SNRNP25: variants seen among roughly 807,000 people sequenced by gnomAD.
SNRNP25 encodes U11/U12 small nuclear ribonucleoprotein 25 kDa protein.
SNRNP25 carries 21 observed loss-of-function variants against 23.9 expected under a neutral mutation model. The ratio of observed to expected loss-of-function variants is 0.88; its 90% CI spans 0.62 to 1.27. The LOEUF (loss-of-function observed/expected upper bound fraction) is 1.27. SNRNP25 is among the 50% of genes most tolerant of loss of function. SNRNP25 has a pLI of 0.00. For synonymous variants in SNRNP25, 63 were observed against 60.4 expected, an observed-to-expected ratio of 1.04 and a Z score of -0.20; for missense variants, 160 against 156.9, an observed-to-expected ratio of 1.02 and a Z score of -0.11.
intron 3 of SNRNP25, 147 bp downstream of exon 3, chr16:56,029 A>G: frequency 1.3e-6 from 1 of 743,200 alleles, no homozygotes; most frequent in African/African-American, 1.7e-5. Flanking sequence ...CACAAGAGTG[A>G]TGAGCTCCCT....
chr16:57,249 G>T lies in SNRNP25; in HGVS notation c.*106G>T, dbSNP rs939308734. Reference sequence around the variant, plus strand: ...TCTTTCACAGAAAGGACGTTGTGGTGGCCTCACCCCAGGCATGCCCAACAG... The same window carrying T: ...TCTTTCACAGAAAGGACGTTGTGGTTGCCTCACCCCAGGCATGCCCAACAG... On this transcript the variant is annotated 3_prime_UTR_variant, in exon 5 of 5. Coordinates refer to ENST00000293861, the MANE Select transcript of SNRNP25 (RefSeq NM_024571.4). The T allele has an allele frequency of 6.4e-6, 8 of 1,254,810 alleles. No individual in the cohort carries two copies. The highest frequency in any genetic ancestry group is 9.3e-6 in the Non-Finnish European group (8 of 858,274). 77.7% of individuals were successfully genotyped at this position (1,254,810 alleles called of 1,614,324 possible). A position where few individuals can be genotyped will look rare whatever the true frequency, so the allele number is the denominator to read the frequency against.
chr16:56,664 C>A, intron 4 of SNRNP25, 51 bp downstream of exon 4: 3 of 1,580,390 alleles, frequency 1.9e-6, no homozygotes, highest in Non-Finnish European at 2.6e-6. Flanking sequence ...TCTGTTGCCC[C>A]TTAGTCCCCC....
chr16:56,452 G>A (rs1596460648), intron 3 of SNRNP25, 87 bp from the exon 4 acceptor site: 3 of 1,248,720 alleles, frequency 2.4e-6, no homozygotes, highest in East Asian at 4.6e-5. Flanking sequence ...GGTCCCATAG[G>A]ACTGCATGCC....
rs781100807 is a variant in SNRNP25 at position 54,100 on chromosome 16, G to A, written c.42+42G>A. On this transcript the variant is annotated intron_variant, in intron 1 of 4. Transcript: ENST00000293861. ...GCTGGGGGCGCGGGAGTCGTTCCCC[G>A]GGGTCCGGGCATCCGGGCGCCGGCA... 7.1e-6 allele frequency: 11 copies of A among 1,554,344 alleles called. No individual in the cohort carries two copies. In the South Asian group the frequency reaches 1.3e-4, roughly 18 times the overall value.
Position 54,062 on chromosome 16 carries a change from T to A in SNRNP25, c.42+4T>A, listed in dbSNP as rs766727800. 48 of 1,602,666 alleles carry A rather than the reference T, an allele frequency of 3.0e-5. No individual in the cohort carries two copies. The highest frequency in any genetic ancestry group is 3.9e-5 in the Non-Finnish European group (46 of 1,177,786). On this transcript the variant is annotated splice_donor_region_variant and intron_variant, in intron 1 of 4. Transcript: ENST00000293861. ...GCTCTGCGATCTGCCGATCCAGGTGTGTGCGGGCGGGGGCTGGGGGCGCGG... is the reference window on the plus strand; with the variant it reads ...GCTCTGCGATCTGCCGATCCAGGTGAGTGCGGGCGGGGGCTGGGGGCGCGG...
chr16:56,603 A>C lies in SNRNP25; in HGVS notation c.304A>C (p.Lys102Gln). 1.2e-6 allele frequency: 2 copies of C among 1,613,946 alleles called. No homozygotes were observed. Among genetic ancestry groups the C allele is most frequent in the Non-Finnish European group, 1.7e-6 (2 of 1,180,006 alleles). Residue 102 changes from lysine to glutamine, a missense_variant, in exon 4 of 5, where the codon AAG (lysine) becomes CAG (glutamine). Physicochemically the swap from Lys to Gln is moderately conservative, Grantham distance 53. Transcript: ENST00000293861. ...AGAGAAACTCACGGAAGACAGAAAGAAGCTCCGAGAGTAAGTGCCGGCCAC... is the reference window on the plus strand; with the variant it reads ...AGAGAAACTCACGGAAGACAGAAAGCAGCTCCGAGAGTAAGTGCCGGCCAC... ...AGEKLTEDRK[K>Q]LRDYGIRNRD...
rs1897372448 is a variant in SNRNP25, at chr16:53,876, G to A, written c.-141G>A. On this transcript the variant is annotated 5_prime_UTR_variant, in exon 1 of 5. Coordinates refer to ENST00000293861, the MANE Select transcript of SNRNP25 (RefSeq NM_024571.4). ...GGCCTCCCTAGTGCGGGCTGGCAGT[G>A]CGGGCAGAGCCCGGCTGAGAGGGGC... 15 of 1,487,122 alleles carry A rather than the reference G, an allele frequency of 1.0e-5. No homozygotes were observed. In the East Asian group the frequency reaches 3.5e-4, roughly 34 times the overall value. The allele number at this position is 1,487,122 out of a possible 1,614,324, so 92.1% of individuals were successfully genotyped here.
chr16:55,292 G>C, intron 1 of SNRNP25, 167 bp from the exon 2 acceptor site: 1 of 619,864 alleles, frequency 1.6e-6, no homozygotes, highest in South Asian at 1.8e-5. Flanking sequence ...TGGAACATGA[G>C]ATTGGGGCTC....
At chr16:56,070 G>A (rs965314782) in intron 3 of SNRNP25, 188 bp downstream of exon 3, 1 of 641,502 alleles carries the variant, frequency 1.6e-6, no homozygotes, top group East Asian at 2.7e-5. Context: ...TTCTGTGCCT[G>A]GGACTCCTGC....
Position 57,243 on chromosome 16 carries a change from T to C in SNRNP25, c.*100T>C. The C allele has an allele frequency of 7.6e-7, 1 of 1,312,878 alleles. No homozygotes were observed. The highest frequency in any genetic ancestry group is 1.1e-6 in the Non-Finnish European group (1 of 910,156). 81.3% of individuals were successfully genotyped at this position (1,312,878 alleles called of 1,614,324 possible). On this transcript the variant is annotated 3_prime_UTR_variant, in exon 5 of 5. Coordinates refer to ENST00000293861, the MANE Select transcript of SNRNP25 (RefSeq NM_024571.4). ...CGTGCCTCTTTCACAGAAAGGACGT[T>C]GTGGTGGCCTCACCCCAGGCATGCC...
At chr16:54,212 C>T (rs1897378456) in intron 1 of SNRNP25, among the ~76,000 whole-genome samples, 154 bp downstream of exon 1, 2 of 152,212 alleles carry the variant, frequency 1.3e-5, no homozygotes, top group Admixed American at 1.3e-4. Context: ...CTTGACCGGG[C>T]GCACTCGCCT....
rs914491526 is a variant in SNRNP25, at chr16:55,805, C to T, written c.162C>T (p.Val54=). 2 of 1,614,178 alleles carry T rather than the reference C, an allele frequency of 1.2e-6. No individual in the cohort carries two copies. Among genetic ancestry groups the T allele is most frequent in the Non-Finnish European group, 1.7e-6 (2 of 1,180,018 alleles). ...TGGTTGTAGTGCAGAGTGCCACAGT[C>T]CTGGACCTGAAGAAGGCCATCCAGA... ...MPVVVVQSAT[V]LDLKKAIQRY... Residue 54 remains valine (V), a synonymous_variant, in exon 3 of 5, where the codon GTC becomes GTT. Transcript: ENST00000293861.
rs553032144 is a variant in SNRNP25, at chr16:53,836, T to C, written c.-181T>C. 7 of 1,365,506 alleles carry C rather than the reference T, an allele frequency of 5.1e-6. No homozygotes were observed. In the South Asian group the frequency reaches 9.8e-5, roughly 19 times the overall value. The allele number at this position is 1,365,506 out of a possible 1,614,324, so 84.6% of individuals were successfully genotyped here. ...CCTCGCTGGGGCGGGCCGCAGTTCCTGCGCGTGCGCGCTTGGCCTCCCTAG... is the reference window on the plus strand; with the variant it reads ...CCTCGCTGGGGCGGGCCGCAGTTCCCGCGCGTGCGCGCTTGGCCTCCCTAG... On this transcript the variant is annotated 5_prime_UTR_variant, in exon 1 of 5. Coordinates refer to ENST00000293861, the MANE Select transcript of SNRNP25 (RefSeq NM_024571.4).
At chr16:56,268 T>G in intron 3 of SNRNP25, 1 of 696,842 alleles carries the variant, frequency 1.4e-6, no homozygotes, top group Admixed American at 2.0e-5. Context: ...CACTCTCCTA[T>G]TGGATCAACT....
intron 3 of SNRNP25, 65 bp from the exon 4 acceptor site, chr16:56,474 T>C: frequency 6.6e-7 from 1 of 1,506,968 alleles, no homozygotes; most frequent in Non-Finnish European, 9.2e-7. Context: ...CAAGCCCACG[T>C]CATGCAGAGC....
At chr16:56,916 T>C (rs1281645645) in intron 4 of SNRNP25, among the ~76,000 whole-genome samples, 170 bp from the exon 5 acceptor site, 2 of 149,344 alleles carry the variant, frequency 1.3e-5, no homozygotes, top group Admixed American at 6.7e-5. Flanking sequence ...GACTTGTGAG[T>C]CGGAGTGCTT....
chr16:55,553 A>G lies in SNRNP25; in HGVS notation c.133+4A>G. The G allele has an allele frequency of 6.2e-7, 1 of 1,613,960 alleles. No homozygotes were observed. The highest frequency in any genetic ancestry group is 8.5e-7 in the Non-Finnish European group (1 of 1,179,860). On this transcript the variant is annotated splice_donor_region_variant and intron_variant, in intron 2 of 4. Coordinates refer to ENST00000293861, the MANE Select transcript of SNRNP25 (RefSeq NM_024571.4). ...AAGATGGATGGAGAAGTAATGCGTA[A>G]GTGCTACCCTCCTCCCTTCAGGTTA...
chr16:55,296 G>A, intron 1 of SNRNP25, 163 bp from the exon 2 acceptor site: 1 of 626,606 alleles, frequency 1.6e-6, no homozygotes, highest in Non-Finnish European at 2.9e-6. Context: ...ACATGAGATT[G>A]GGGCTCTGAT....
At chr16:54,153 C>A (rs1487762005) in intron 1 of SNRNP25, 95 bp downstream of exon 1, 2 of 1,379,054 alleles carry the variant, frequency 1.5e-6, no homozygotes, top group South Asian at 1.2e-5. Context: ...TGGGAGACTG[C>A]GGCCCAAGGC....
Sources: allele counts gnomAD v4.1 joint callset (sites outside exome capture counted in the v4.1 genomes callset), GRCh38; gene constraint gnomAD v4.1.1; transcripts MANE v1.5; gene names NCBI Gene and HGNC (gene_info 2026-07-23, HGNC 2026-07-21).